SLC18A2: variants seen among roughly 807,000 people sequenced by gnomAD.
SLC18A2 encodes the protein synaptic vesicular amine transporter.
A neutral mutation model predicts 59.2 loss-of-function variants in SLC18A2; 33 were observed. That is an observed-to-expected ratio of 0.56 (90% CI 0.42 to 0.75). The LOEUF (loss-of-function observed/expected upper bound fraction) is 0.75. SLC18A2 is among the 30% of genes least tolerant of loss of function. The pLI, the probability that SLC18A2 is intolerant of heterozygous loss-of-function variation, is 0.00. For missense variants in SLC18A2, 569 were observed against 668.6 expected, an observed-to-expected ratio of 0.85 and a Z score of 1.64; for synonymous variants, 228 against 253.5, an observed-to-expected ratio of 0.90 and a Z score of 0.95.
intron 3 of SLC18A2, among the ~76,000 whole-genome samples, chr10:117,247,510 T>C (rs1193437614): frequency 6.6e-6 from 1 of 152,238 alleles, no homozygotes; most frequent in Non-Finnish European, 1.5e-5. Flanking sequence ...TTATACAGCT[T>C]GTACCTTTAG....
At chr10:117,249,774 A>C (rs1349936771) in intron 3 of SLC18A2, among the ~76,000 whole-genome samples, 2 of 152,262 alleles carry the variant, frequency 1.3e-5, no homozygotes, top group Non-Finnish European at 2.9e-5. Context: ...TATATAATTA[A>C]CATAACTTTT....
At chr10:117,270,975 G>A (rs908794102) in intron 15 of SLC18A2, among the ~76,000 whole-genome samples, 4 of 152,178 alleles carry the variant, frequency 2.6e-5, no homozygotes, top group African/African-American at 7.2e-5. Flanking sequence ...CACACAGAAC[G>A]ATTTAATTCA....
chr10:117,249,013 AAGG>A (rs1421559296), intron 3 of SLC18A2, among the ~76,000 whole-genome samples: 1 of 152,360 alleles, frequency 6.6e-6, no homozygotes, highest in Non-Finnish European at 1.5e-5. Context: ...TCTGAACGAC[AAGG>A]AGGAAGCCAC....
intron 2 of SLC18A2, 148 bp downstream of exon 2, chr10:117,241,962 G>C: frequency 1.3e-6 from 1 of 784,644 alleles, no homozygotes; most frequent in Non-Finnish European, 1.9e-6. Flanking sequence ...TCCCCTCCAG[G>C]CTGCCGCGCC....
intron 13 of SLC18A2, chr10:117,268,797 T>A (rs980926546): frequency 6.6e-6 from 1 of 152,016 alleles, no homozygotes; most frequent in Non-Finnish European, 1.5e-5. Context: ...CTGGCCCTGC[T>A]CAGAAATTAT....
intron 1 of SLC18A2, among the ~76,000 whole-genome samples, 185 bp from the exon 2 acceptor site, chr10:117,241,494 C>T (rs1440499565): frequency 2.6e-5 from 4 of 152,080 alleles, no homozygotes; most frequent in African/African-American, 4.8e-5. Flanking sequence ...CGCGGGCGCT[C>T]TTTCCAGGGA....
chr10:117,262,195 G>A (rs1280526203), intron 10 of SLC18A2, among the ~76,000 whole-genome samples: 3 of 152,112 alleles, frequency 2.0e-5, no homozygotes, highest in Non-Finnish European at 2.9e-5. Flanking sequence ...GTGAGCCACC[G>A]CATCCTGCCC....
intron 15 of SLC18A2, among the ~76,000 whole-genome samples, chr10:117,272,004 A>G (rs1844433278): frequency 2.0e-5 from 3 of 151,922 alleles, no homozygotes; most frequent in Non-Finnish European, 4.4e-5. Flanking sequence ...CTGTTTGAAG[A>G]CTCCTGGGAG....
intron 9 of SLC18A2, 22 bp downstream of exon 9, chr10:117,255,679 G>C (rs368714576): frequency 3.4e-5 from 55 of 1,609,936 alleles, no homozygotes; most frequent in Non-Finnish European, 4.4e-5. Context: ...TGGGTCTTCT[G>C]AGTCAGGGGA....
intron 3 of SLC18A2, among the ~76,000 whole-genome samples, chr10:117,248,130 A>AT (rs1281865230): frequency 1.3e-5 from 2 of 151,522 alleles, no homozygotes; most frequent in South Asian, 4.2e-4. Context: ...TGCCTGGCTA[A>AT]TTTTTTTTGT....
chr10:117,266,804 A>G lies in SLC18A2; in HGVS notation c.1063A>G (p.Met355Val). The G allele has an allele frequency of 6.2e-7, 1 of 1,612,790 alleles. No homozygotes were observed. The highest frequency in any genetic ancestry group is 8.5e-7 in the Non-Finnish European group (1 of 1,178,976). Reference sequence around the variant, plus strand: ...TATTTTTGGGATACTTGCACACAAAATGGGGAGGTAAGATGATATGAAAAC... The same window carrying G: ...TATTTTTGGGATACTTGCACACAAAGTGGGGAGGTAAGATGATATGAAAAC... ...TNIFGILAHK[M>V]GRWLCALLGM... The change falls in exon 11 of 16, where the codon ATG becomes GTG. Residue 355 changes from methionine (M) to valine (V), a missense_variant. By Grantham distance (21) the Met-to-Val change is conservative. Coordinates refer to ENST00000644641, the MANE Select transcript of SLC18A2 (RefSeq NM_003054.6).
chr10:117,241,850 C>A, intron 2 of SLC18A2, 36 bp downstream of exon 2: 1 of 1,572,186 alleles, frequency 6.4e-7, no homozygotes, highest in South Asian at 1.1e-5. Context: ...CCCGGCACCC[C>A]AGCCCCAGCG....
At chr10:117,243,784 C>T (rs959120798) in intron 2 of SLC18A2, among the ~76,000 whole-genome samples, 187 bp from the exon 3 acceptor site, 1 of 152,154 alleles carries the variant, frequency 6.6e-6, no homozygotes, top group Admixed American at 6.5e-5. Context: ...GAGGGTTTCT[C>T]CATGTTGGCC....
chr10:117,263,182 G>A (rs1230120455), intron 10 of SLC18A2, among the ~76,000 whole-genome samples: 2 of 152,182 alleles, frequency 1.3e-5, no homozygotes, highest in African/African-American at 4.8e-5. Context: ...CAGCAGGAGG[G>A]GAAATACCCC....
At position 117,255,381 on chromosome 10, in the gene SLC18A2, G is replaced by A. The variant is rs753743999; in HGVS notation, c.790+15G>A. On this transcript the variant is annotated intron_variant, in intron 7 of 15. Coordinates refer to ENST00000644641, the MANE Select transcript of SLC18A2 (RefSeq NM_003054.6). ...CTTGGATGGAGGTGAGTGAGTCCAC[G>A]TGGGCGCCATGCCATGACCTTGGCA... The A allele has an allele frequency of 2.8e-5, 46 of 1,614,116 alleles. No homozygotes were observed. Among genetic ancestry groups the A allele is most frequent in the Middle Eastern group, 3.3e-4 (2 of 6,084 alleles).
intron 3 of SLC18A2, among the ~76,000 whole-genome samples, chr10:117,250,870 C>T (rs543649569): frequency 6.6e-6 from 1 of 152,212 alleles, no homozygotes; most frequent in Non-Finnish European, 1.5e-5. Context: ...CACAGCTGTG[C>T]CCTGATGGGT....
At chr10:117,275,463 A>G (rs766629124) in intron 15 of SLC18A2, among the ~76,000 whole-genome samples, 3 of 152,222 alleles carry the variant, frequency 2.0e-5, no homozygotes, top group Non-Finnish European at 4.4e-5. Flanking sequence ...TGCAAAAAAA[A>G]TATTGGGGAG....
intron 15 of SLC18A2, among the ~76,000 whole-genome samples, chr10:117,271,047 G>GA: frequency 6.6e-6 from 1 of 152,292 alleles, no homozygotes; most frequent in South Asian, 2.1e-4. Context: ...TCCCTCTTTT[G>GA]AAAAAGTCCA....
chr10:117,253,821 G>A (rs973915798), intron 4 of SLC18A2, among the ~76,000 whole-genome samples: 1 of 152,206 alleles, frequency 6.6e-6, no homozygotes, highest in Non-Finnish European at 1.5e-5. Flanking sequence ...ACTGCAGCCT[G>A]GGCGACAGAG....
Sources: allele counts gnomAD v4.1 joint callset (sites outside exome capture counted in the v4.1 genomes callset), GRCh38; gene constraint gnomAD v4.1.1; transcripts MANE v1.5; gene names NCBI Gene and HGNC (gene_info 2026-07-23, HGNC 2026-07-21).